DSCAML1: variants seen among roughly 807,000 people sequenced by gnomAD.
DSCAML1 encodes cell adhesion molecule DSCAML1.
A neutral mutation model predicts 200.5 loss-of-function variants in DSCAML1; 38 were observed. The observed-to-expected ratio is 0.19, with a 90% CI of 0.15 to 0.25. The LOEUF (loss-of-function observed/expected upper bound fraction) is 0.25. DSCAML1 is among the 10% of genes least tolerant of loss of function. DSCAML1 has a pLI of 1.00. For missense variants in DSCAML1, 2,223 were observed against 2,858.8 expected (o/e 0.78, Z 5.07); for synonymous variants, 1,215 against 1,165.0 (o/e 1.04, Z -0.87).
chr11:117,695,544 C>A (rs1378665241), intron 3 of DSCAML1, among the ~76,000 whole-genome samples: 1 of 152,040 alleles, frequency 6.6e-6, no homozygotes, highest in Admixed American at 6.6e-5. Flanking sequence ...AGCCAACATG[C>A]AGCAGGTAGA....
intron 3 of DSCAML1, among the ~76,000 whole-genome samples, chr11:117,545,260 C>CAA (rs1230978627): frequency 6.7e-6 from 1 of 150,068 alleles, no homozygotes; most frequent in Admixed American, 6.6e-5. Context: ...CACACACACA[C>CAA]AAAACACAAG....
In DSCAML1 at chr11:117,504,728, C is replaced by G. The variant is rs1214384465; in HGVS notation, c.2182+196G>C. Among the ~76,000 whole-genome samples the G allele has an allele frequency of 2.6e-5, 4 of 152,010 alleles. No homozygotes were observed. The highest frequency in any genetic ancestry group is 9.7e-5 in the African/African-American group (4 of 41,364). The stretch of plus-strand genomic sequence containing the variant: ...ATACGGAGTCAGCATGATGGCTGTT[C>G]CTGGTCCACAGACCCCCGGGGGTGG... On this transcript the variant is annotated intron_variant, in intron 10 of 32. Transcript: ENST00000651296. This position sits in a 1 kb window ranked among gnomAD's most constrained non-coding sequence, Gnocchi z 5.0.
intron 11 of DSCAML1, among the ~76,000 whole-genome samples, chr11:117,482,587 A>G (rs1027419961): frequency 6.6e-6 from 1 of 152,168 alleles, no homozygotes; most frequent in African/African-American, 2.4e-5. Context: ...TTGCTGTCTT[A>G]TATTACCATG....
chr11:117,464,766 A>G (rs2048546622), intron 17 of DSCAML1, among the ~76,000 whole-genome samples, 176 bp downstream of exon 17: 1 of 152,242 alleles, frequency 6.6e-6, no homozygotes, highest in African/African-American at 2.4e-5. Flanking sequence ...TGGCCCATAC[A>G]TCTCTGGAGG....
chr11:117,430,935 G>A lies in DSCAML1; in HGVS notation c.5473C>T (p.Gln1825Ter), dbSNP rs2047776272. The change falls in exon 32 of 33, where the codon CAG becomes TAG. Residue 1825 changes from glutamine (Q) to a stop codon, truncating the protein, a stop_gained. Transcript: ENST00000651296. LOFTEE classifies it high-confidence loss of function. ...TCGGTGATCTCAAACTTGGCGTGCT[G>A]CAGCTGCTCCTCCAGCTTGGCATGC... ...YEHAKLEEQL[Q>*]HAKFEITECF... The A allele has an allele frequency of 6.2e-7, 1 of 1,614,064 alleles. No homozygotes were observed. Among genetic ancestry groups the A allele is most frequent in the Non-Finnish European group, 8.5e-7 (1 of 1,180,050 alleles).
At chr11:117,601,055 C>T (rs1454899134) in intron 3 of DSCAML1, among the ~76,000 whole-genome samples, 2 of 152,164 alleles carry the variant, frequency 1.3e-5, no homozygotes, top group Non-Finnish European at 2.9e-5. Flanking sequence ...GTATTAAAAG[C>T]CACCATTTTG....
At chr11:117,782,408 C>G (rs931527802) in intron 1 of DSCAML1, among the ~76,000 whole-genome samples, 2 of 152,232 alleles carry the variant, frequency 1.3e-5, no homozygotes, top group African/African-American at 4.8e-5. Flanking sequence ...CTGTCCCCAC[C>G]AGGCACTGCA....
intron 3 of DSCAML1, among the ~76,000 whole-genome samples, chr11:117,600,139 G>T (rs916441006): frequency 6.6e-6 from 1 of 152,180 alleles, no homozygotes; most frequent in Non-Finnish European, 1.5e-5. Context: ...AAAAGCTTCC[G>T]AAATGAAGCA....
At chr11:117,570,800 A>G (rs1280979565) in intron 3 of DSCAML1, among the ~76,000 whole-genome samples, 1 of 152,204 alleles carries the variant, frequency 6.6e-6, no homozygotes, top group Non-Finnish European at 1.5e-5. Flanking sequence ...GACCCTTCAC[A>G]GGGGTGGGAG....
intron 3 of DSCAML1, among the ~76,000 whole-genome samples, chr11:117,623,213 TTTC>T (rs1441191539): frequency 1.5e-4 from 14 of 93,224 alleles, no homozygotes; most frequent in East Asian, 5.5e-4. Context: ...TTTCTTTTCT[TTTC>T]TTTTTTTTTT....
chr11:117,588,996 C>G (rs1271186657), intron 3 of DSCAML1, among the ~76,000 whole-genome samples: 1 of 152,156 alleles, frequency 6.6e-6, no homozygotes, highest in Non-Finnish European at 1.5e-5. Flanking sequence ...TAAGGACACA[C>G]AGGGGGAGAG....
chr11:117,446,645 A>G (rs1438555506), intron 20 of DSCAML1, among the ~76,000 whole-genome samples: 1 of 152,234 alleles, frequency 6.6e-6, no homozygotes, highest in African/African-American at 2.4e-5. Flanking sequence ...TAAAAAATCC[A>G]TCTAACAAAA....
intron 3 of DSCAML1, among the ~76,000 whole-genome samples, chr11:117,746,633 G>A (rs979381184): frequency 6.6e-6 from 1 of 152,206 alleles, no homozygotes; most frequent in African/African-American, 2.4e-5. Context: ...ACCCCTAGCA[G>A]CTGCTGACAC....
chr11:117,626,449 T>G (rs543280049), intron 3 of DSCAML1, among the ~76,000 whole-genome samples: 1 of 152,326 alleles, frequency 6.6e-6, no homozygotes, highest in South Asian at 2.1e-4. Context: ...AGATTTATAC[T>G]TTCTTGATTT....
At chr11:117,760,747 G>A (rs1363650508) in intron 3 of DSCAML1, among the ~76,000 whole-genome samples, 2 of 152,146 alleles carry the variant, frequency 1.3e-5, no homozygotes, top group African/African-American at 2.4e-5. Context: ...CTCCCCTGAA[G>A]GGCACAGACC....
intron 11 of DSCAML1, among the ~76,000 whole-genome samples, chr11:117,501,490 G>A (rs2049394077): frequency 6.6e-6 from 1 of 152,158 alleles, no homozygotes; most frequent in Non-Finnish European, 1.5e-5. Flanking sequence ...CTCCATGACT[G>A]CTGCCCTGGA....
chr11:117,569,870 G>C (rs1038569074), intron 3 of DSCAML1, among the ~76,000 whole-genome samples: 3 of 152,222 alleles, frequency 2.0e-5, no homozygotes, highest in African/African-American at 7.2e-5. Flanking sequence ...TCCCAGTGGA[G>C]GGCTCTGGGC....
chr11:117,561,770 A>G (rs2050667901), intron 3 of DSCAML1, among the ~76,000 whole-genome samples: 1 of 152,200 alleles, frequency 6.6e-6, no homozygotes, highest in East Asian at 1.9e-4. Flanking sequence ...TAGCCCCAGA[A>G]TGCCCTGGGC....
rs139555458 is a variant in DSCAML1, at chr11:117,431,580, C to G, written c.5328G>C (p.Thr1776=). 4 of 1,608,954 alleles carry G rather than the reference C, an allele frequency of 2.5e-6. No individual in the cohort carries two copies. The highest frequency in any genetic ancestry group is 2.2e-5 in the South Asian group (2 of 90,126). The change falls in exon 31 of 33, where the codon ACG becomes ACC. Residue 1776 remains threonine, a synonymous_variant. Transcript: ENST00000651296. ...WRTVGSQHGV[T]VTESDSYSAS... is the part of the protein sequence containing the mutation. ...CACTGTAGCTGTCACTCTCAGTGAC[C>G]GTGACACCATGCTGGGAGCCCACGG...
Sources: allele counts gnomAD v4.1 joint callset (sites outside exome capture counted in the v4.1 genomes callset), GRCh38; gene constraint gnomAD v4.1.1; non-coding constraint Gnocchi (gnomAD v3.1); transcripts MANE v1.5; gene names NCBI Gene and HGNC (gene_info 2026-07-23, HGNC 2026-07-21).